Variants in BAIAP2 observed in about 807,000 individuals in gnomAD.
BAIAP2 encodes BAR/IMD domain-containing adapter protein 2.
In BAIAP2, 18 loss-of-function variants were observed where a neutral mutation model predicts 63.0. That is an observed-to-expected ratio of 0.29 (90% CI 0.20 to 0.42). BAIAP2 has a LOEUF of 0.42. BAIAP2 is among the 10% of genes least tolerant of loss of function. BAIAP2 has a pLI of 1.00. For synonymous variants in BAIAP2, 386 were observed against 307.6 expected, an observed-to-expected ratio of 1.25 and a Z score of -2.67; for missense variants, 610 against 734.3, an observed-to-expected ratio of 0.83 and a Z score of 1.96.
chr17:81,042,825 C>G (rs1023021176), intron 1 of BAIAP2, among the ~76,000 whole-genome samples: 1 of 152,144 alleles, frequency 6.6e-6, no homozygotes. Flanking sequence ...TGGGTGGATG[C>G]TGCTAGTGGC....
intron 6 of BAIAP2, among the ~76,000 whole-genome samples, chr17:81,099,392 A>G (rs2058185023): frequency 6.6e-6 from 1 of 152,012 alleles, no homozygotes; most frequent in Non-Finnish European, 1.5e-5. Flanking sequence ...GTCCTTGGCC[A>G]CTGTCCTGGG....
At chr17:81,039,035 C>T (rs1013902445) in intron 1 of BAIAP2, among the ~76,000 whole-genome samples, 1 of 152,250 alleles carries the variant, frequency 6.6e-6, no homozygotes, top group African/African-American at 2.4e-5. Flanking sequence ...AGGATACTTC[C>T]TGGGGTGGCC....
intron 6 of BAIAP2, among the ~76,000 whole-genome samples, chr17:81,099,239 GTT>G (rs1172678267): frequency 6.6e-6 from 1 of 150,948 alleles, no homozygotes; most frequent in Non-Finnish European, 1.5e-5. Flanking sequence ...TCCTTCTCAC[GTT>G]CTCCCTTGGT....
Position 81,116,520 on chromosome 17 carries a change from C to G in BAIAP2, c.*681C>G. The G allele has an allele frequency of 1.6e-6, 1 of 633,722 alleles. No individual in the cohort carries two copies. The highest frequency in any genetic ancestry group is 2.7e-6 in the Non-Finnish European group (1 of 374,104). The allele number at this position is 633,722 out of a possible 1,614,324, so 39.3% of individuals were successfully genotyped here. On this transcript the variant is annotated 3_prime_UTR_variant, in exon 14 of 14. Transcript: ENST00000428708. ...CCAGAACCTTGCTGCCAGGGCCTCC[C>G]AGCTCGCTCCTGCGGCCAAAGGCCA...
At chr17:81,107,113 C>G in intron 12 of BAIAP2, 2 of 612,978 alleles carry the variant, frequency 3.3e-6, no homozygotes, top group South Asian at 4.8e-5. Flanking sequence ...CAGCAGGCTC[C>G]CTGTGTCGGC....
rs548326557 is a variant in BAIAP2 at position 81,109,071 on chromosome 17, C to G, written c.1535+562C>G. On this transcript the variant is annotated intron_variant, in intron 13 of 13. Coordinates refer to ENST00000428708, the MANE Select transcript of BAIAP2 (RefSeq NM_001144888.2). Reference sequence around the variant, plus strand: ...CCCCCTGGTCTCGTCCGTTTTCCTCCTCAGCTCTCGCTGGTTTGTTCTTGG... The same window carrying G: ...CCCCCTGGTCTCGTCCGTTTTCCTCGTCAGCTCTCGCTGGTTTGTTCTTGG... 24 of 1,504,886 alleles carry G rather than the reference C, an allele frequency of 1.6e-5. No homozygotes were observed. The South Asian group carries it at 2.9e-4, about 18-fold the overall frequency. The allele number at this position is 1,504,886 out of a possible 1,614,324, so 93.2% of individuals were successfully genotyped here. A position where few individuals can be genotyped will look rare whatever the true frequency, so the allele number is the denominator to read the frequency against.
In BAIAP2 at chr17:81,116,191, TGCTTCTCCTGCCTAATAAACAG is replaced by T. The variant is rs556743372; in HGVS notation, c.*364_*385del. 7.1e-4 allele frequency: 1,138 copies of T among 1,609,342 alleles called. No homozygotes were observed. The highest frequency in any genetic ancestry group is 1.7e-3 in the African/African-American group (126 of 75,002). On this transcript the variant is annotated 3_prime_UTR_variant, in exon 14 of 14. Transcript: ENST00000428708. ...TGGGAGGGGAGCCTGGCTGCCCTGC[TGCTTCTCCTGCCTAATAAACAG>T]GCTTCTCCTGCACCAGGTGTGATCT...
intron 6 of BAIAP2, among the ~76,000 whole-genome samples, chr17:81,088,311 C>T (rs2056078863): frequency 6.6e-6 from 1 of 152,172 alleles, no homozygotes; most frequent in African/African-American, 2.4e-5. Context: ...ACTGAGGGCT[C>T]AGCTGCCTGC....
chr17:81,088,649 T>C (rs2056153543), intron 6 of BAIAP2, among the ~76,000 whole-genome samples: 1 of 152,202 alleles, frequency 6.6e-6, no homozygotes, highest in Non-Finnish European at 1.5e-5. Context: ...CGGAGGGTTC[T>C]TAAAGCTCAT....
intron 3 of BAIAP2, among the ~76,000 whole-genome samples, chr17:81,075,737 A>G (rs1399042332): frequency 6.6e-6 from 1 of 152,046 alleles, no homozygotes; most frequent in Non-Finnish European, 1.5e-5. Context: ...GGTAGGGGCC[A>G]CTTAGAACAC....
At chr17:81,086,311 CAGGA>C in intron 5 of BAIAP2, 128 bp from the exon 6 acceptor site, 1 of 1,127,580 alleles carries the variant, frequency 8.9e-7, no homozygotes, top group Non-Finnish European at 1.3e-6. Context: ...GAGAGCGAGC[CAGGA>C]AGGGAGTGGC....
chr17:81,056,009 A>C (rs1568085793), intron 2 of BAIAP2, among the ~76,000 whole-genome samples: 1 of 152,028 alleles, frequency 6.6e-6, no homozygotes, highest in Non-Finnish European at 1.5e-5. Flanking sequence ...CTCCTGGTGG[A>C]AGTTGCACCT....
Position 81,101,306 on chromosome 17 carries a change from C to T in BAIAP2, c.642+1226C>T, listed in dbSNP as rs556120083. Among the ~76,000 whole-genome samples, 16 of 152,202 alleles carry T rather than the reference C, an allele frequency of 1.1e-4. No individual in the cohort carries two copies. In the East Asian group the frequency reaches 1.2e-3, roughly 11 times the overall value. The stretch of plus-strand genomic sequence containing the variant: ...CCCCCTCCATGGATATCCTGAGCCC[C>T]GATGTGAGCAAGGGGATCCCCTCCT... On this transcript the variant is annotated intron_variant, in intron 7 of 13. Transcript: ENST00000428708.
In BAIAP2 at chr17:81,057,928, G is replaced by A; in HGVS notation, c.178G>A (p.Gly60Arg). 6.2e-7 allele frequency: 1 copy of A among 1,608,146 alleles called. No individual in the cohort carries two copies. The highest frequency in any genetic ancestry group is 8.5e-7 in the Non-Finnish European group (1 of 1,177,792). ...CTACTTTGACGCCCTGGTGAAGATG[G>A]GGGAGCTGGCCAGCGAGAGCCAGGG... ...KGYFDALVKM[G>R]ELASESQGSK... Residue 60 changes from glycine to arginine, a missense_variant, in exon 3 of 14, where the codon GGG (glycine) becomes AGG (arginine). Around this residue, in one of 5 missense-constraint regions of BAIAP2, gnomAD observed 389 missense variants for 455.6 expected, o/e 0.85. Transcript: ENST00000428708.
chr17:81,098,285 C>T (rs913771089), intron 6 of BAIAP2: 71 of 1,006,410 alleles, frequency 7.1e-5, no homozygotes, highest in Middle Eastern at 2.4e-4. Context: ...TGGGAGGCAG[C>T]GGCCGCCCTC....
chr17:81,073,311 T>A (rs2053036019), intron 3 of BAIAP2, among the ~76,000 whole-genome samples: 1 of 152,112 alleles, frequency 6.6e-6, no homozygotes, highest in South Asian at 2.1e-4. Context: ...TTTCAGATAC[T>A]CGGACCTCTT....
chr17:81,091,190 C>CACCCT (rs150083644), intron 6 of BAIAP2, among the ~76,000 whole-genome samples: 1 of 141,324 alleles, frequency 7.1e-6, no homozygotes, highest in Non-Finnish European at 1.6e-5. Context: ...TATGTGGCCC[C>CACCCT]ACCCCACCCC....
At chr17:81,038,904 G>T (rs369995838) in intron 1 of BAIAP2, among the ~76,000 whole-genome samples, 4 of 152,066 alleles carry the variant, frequency 2.6e-5, no homozygotes, top group African/African-American at 9.7e-5. Context: ...CCTGGGTGGG[G>T]GGGGCAGCAG....
chr17:81,104,751 C>T, intron 10 of BAIAP2, 36 bp downstream of exon 10: 1 of 1,527,758 alleles, frequency 6.5e-7, no homozygotes, highest in Non-Finnish European at 8.9e-7. Flanking sequence ...CAGGCAGCCG[C>T]TGCCTTCAGC....
Sources: gnomAD v4.1 joint callset for allele counts (sites outside exome capture counted in the v4.1 genomes callset) on GRCh38, gnomAD v4.1.1 for gene constraint, gnomAD v4.1.1 regional missense constraint, MANE v1.5 for transcripts, NCBI Gene and HGNC (gene_info 2026-07-23, HGNC 2026-07-21) for gene names.